RYR2: variants seen among roughly 807,000 people sequenced by gnomAD.
RYR2 encodes the protein ryanodine receptor 2.
In RYR2, 227 loss-of-function variants were observed where a neutral mutation model predicts 601.1. That is an observed-to-expected ratio of 0.38 (90% CI 0.34 to 0.42). The LOEUF (loss-of-function observed/expected upper bound fraction) is 0.42. RYR2 is among the 10% of genes least tolerant of loss of function. The pLI, the probability that RYR2 is intolerant of heterozygous loss-of-function variation, is 1.00. For missense variants in RYR2, 4,646 were observed against 6,156.5 expected, an observed-to-expected ratio of 0.75 and a Z score of 8.21; for synonymous variants, 2,223 against 2,175.1, an observed-to-expected ratio of 1.02 and a Z score of -0.61.
At chr1:237,125,096 A>T (rs1040408838) in intron 1 of RYR2, among the ~76,000 whole-genome samples, 1 of 152,158 alleles carries the variant, frequency 6.6e-6, no homozygotes, top group South Asian at 2.1e-4. Flanking sequence ...CATTTTGCAG[A>T]TAGAAATGCT....
chr1:237,501,853 A>T (rs921724058), intron 21 of RYR2, among the ~76,000 whole-genome samples: 9 of 152,052 alleles, frequency 5.9e-5, no homozygotes, highest in Admixed American at 2.6e-4. Context: ...TTAGAAAAAG[A>T]ATTATGGACA....
chr1:237,548,501 G>A lies in RYR2; in HGVS notation c.2977G>A (p.Glu993Lys). 1 of 1,614,014 alleles carries A rather than the reference G, an allele frequency of 6.2e-7. No individual in the cohort carries two copies. The highest frequency in any genetic ancestry group is 8.5e-7 in the Non-Finnish European group (1 of 1,179,884). Residue 993 changes from glutamate to lysine, a missense_variant, in exon 26 of 105, where the codon GAA becomes AAA. Transcript: ENST00000366574. ...LSFIKLTPSQ[E>K]AMVDKLAENA... is the part of the protein sequence containing the mutation. ...CTTTATCAAACTCACCCCATCACAA[G>A]AAGCAATGGTGGACAAGTTGGCAGA...
intron 80 of RYR2, among the ~76,000 whole-genome samples, chr1:237,752,037 C>T (rs1429000999): frequency 3.3e-5 from 5 of 152,128 alleles, no homozygotes; most frequent in Admixed American, 6.5e-5. Context: ...TATAGGATAT[C>T]ACATCATTTA....
chr1:237,636,458 T>C (rs959255127), intron 44 of RYR2, among the ~76,000 whole-genome samples: 12 of 152,170 alleles, frequency 7.9e-5, no homozygotes, highest in African/African-American at 2.9e-4. Flanking sequence ...TTCCCCCGTA[T>C]AGTACTTAAA....
Position 237,527,336 on chromosome 1 carries a change from A to C in RYR2, c.2823-3091A>C, listed in dbSNP as rs76347764. Reference sequence around the variant, plus strand: ...AGCAATTTAAATGTTAATCTCACCCAAAAACAGCTTCACAGAAACATCTGG... The same window carrying C: ...AGCAATTTAAATGTTAATCTCACCCCAAAACAGCTTCACAGAAACATCTGG... On this transcript the variant is annotated intron_variant, in intron 24 of 104. Transcript: ENST00000366574. 5.0e-3 allele frequency among the ~76,000 whole-genome samples: 756 copies of C among 152,322 alleles called. 5 individuals are homozygous for C. Among genetic ancestry groups the C allele is most frequent in the Middle Eastern group, 0.034 (10 of 294 alleles).
At chr1:237,380,004 A>G (rs958074794) in intron 8 of RYR2, among the ~76,000 whole-genome samples, 3 of 152,176 alleles carry the variant, frequency 2.0e-5, no homozygotes, top group Admixed American at 6.5e-5. Flanking sequence ...AGTGGAGAAA[A>G]CAAATCAAAC....
At chr1:237,640,161 G>A (rs148140839) in intron 46 of RYR2, among the ~76,000 whole-genome samples, 182 of 152,160 alleles carry the variant, frequency 1.2e-3, no homozygotes, top group African/African-American at 4.2e-3. Context: ...AGGGCCTCAC[G>A]GACACCCTTG....
chr1:237,673,519 G>T (rs1685138844), intron 58 of RYR2, among the ~76,000 whole-genome samples: 1 of 151,980 alleles, frequency 6.6e-6, no homozygotes, highest in South Asian at 2.1e-4. Flanking sequence ...TGCCCACGTG[G>T]TTTAAAGTCA....
intron 56 of RYR2, among the ~76,000 whole-genome samples, chr1:237,663,844 G>T (rs1327386341): frequency 1.3e-5 from 2 of 152,116 alleles, no homozygotes; most frequent in South Asian, 4.1e-4. Flanking sequence ...TCCACTTAGG[G>T]TTTTATAATT....
chr1:237,744,359 A>AAAAAAG, intron 80 of RYR2, among the ~76,000 whole-genome samples: 1 of 152,000 alleles, frequency 6.6e-6, no homozygotes, highest in Non-Finnish European at 1.5e-5. Context: ...TAAAAAAAAA[A>AAAAAAG]AAAGCTTTTT....
intron 101 of RYR2, among the ~76,000 whole-genome samples, chr1:237,824,707 G>C (rs1021840516): frequency 3.3e-5 from 5 of 151,978 alleles, no homozygotes; most frequent in African/African-American, 1.2e-4. Context: ...AGAAATAAAG[G>C]GTATTCAATT....
chr1:237,822,472 C>A (rs1274039503), intron 101 of RYR2, among the ~76,000 whole-genome samples: 1 of 151,660 alleles, frequency 6.6e-6, no homozygotes, highest in African/African-American at 2.4e-5. Flanking sequence ...TACAGACAAG[C>A]AAATGCTGAG....
chr1:237,513,707 CAT>C (rs1666140595), intron 24 of RYR2, among the ~76,000 whole-genome samples: 1 of 152,202 alleles, frequency 6.6e-6, no homozygotes, highest in East Asian at 1.9e-4. Context: ...GGTGAAGTAA[CAT>C]GTACAAGTTT....
In RYR2 at chr1:237,680,533, C is replaced by T. The variant is rs768708117; in HGVS notation, c.8973C>T (p.Cys2991=). ...YFLSAASRPL[C]SGGHASNKEK... ...TATCTGCAGCAAGCAGACCTCTCTG[C>T]TCTGGAGGACATGCTTCCAACAAAG... Residue 2991 remains cysteine, a synonymous_variant, in exon 62 of 105, where the codon TGC becomes TGT. Coordinates refer to ENST00000366574, the MANE Select transcript of RYR2 (RefSeq NM_001035.3). 1.9e-6 allele frequency: 3 copies of T among 1,606,292 alleles called. No individual in the cohort carries two copies. The highest frequency in any genetic ancestry group is 2.6e-6 in the Non-Finnish European group (3 of 1,174,798).
At chr1:237,392,626 A>G (rs982264849) in intron 10 of RYR2, among the ~76,000 whole-genome samples, 5 of 152,164 alleles carry the variant, frequency 3.3e-5, no homozygotes, top group Non-Finnish European at 5.9e-5. Flanking sequence ...TTTTATGTGA[A>G]TATAATAAAA....
intron 56 of RYR2, among the ~76,000 whole-genome samples, chr1:237,665,807 C>A (rs902578687): frequency 4.6e-5 from 7 of 152,034 alleles, no homozygotes; most frequent in Non-Finnish European, 5.9e-5. Flanking sequence ...GCTTTTTGGG[C>A]ATTTTTAATG....
chr1:237,204,518 A>G, intron 1 of RYR2, among the ~76,000 whole-genome samples: 1 of 150,178 alleles, frequency 6.7e-6, no homozygotes, highest in South Asian at 2.1e-4. Flanking sequence ...AAAAAAAAAA[A>G]GAAAGAAAAC....
intron 38 of RYR2, among the ~76,000 whole-genome samples, chr1:237,620,225 A>G (rs1347748478): frequency 6.6e-6 from 1 of 152,152 alleles, no homozygotes; most frequent in African/African-American, 2.4e-5. Flanking sequence ...ACTCAAACTG[A>G]AGTCTACTGG....
chr1:237,519,810 G>A (rs1299804622), intron 24 of RYR2, among the ~76,000 whole-genome samples: 1 of 152,028 alleles, frequency 6.6e-6, no homozygotes, highest in African/African-American at 2.4e-5. Context: ...CCCTAATTCT[G>A]TGAAAAATGA....
Sources: gnomAD v4.1 joint callset for allele counts (sites outside exome capture counted in the v4.1 genomes callset) on GRCh38, gnomAD v4.1.1 for gene constraint, MANE v1.5 for transcripts, NCBI Gene and HGNC (gene_info 2026-07-23, HGNC 2026-07-21) for gene names.